STK24: variants seen among roughly 807,000 people sequenced by gnomAD.
STK24 encodes the protein serine/threonine-protein kinase 24.
A neutral mutation model predicts 55.6 loss-of-function variants in STK24; 21 were observed. The observed-to-expected ratio is 0.38, with a 90% CI of 0.27 to 0.54. The LOEUF is 0.54. Ranked by LOEUF, STK24 falls within the 20% of genes least tolerant of loss-of-function variation. The pLI, the probability that STK24 is intolerant of heterozygous loss-of-function variation, is 0.79. For synonymous variants in STK24, 200 were observed against 215.2 expected (o/e 0.93, Z 0.62); for missense variants, 383 against 538.4 (o/e 0.71, Z 2.86).
chr13:98,555,194 C>T (rs1897256227), intron 1 of STK24, among the ~76,000 whole-genome samples: 1 of 152,168 alleles, frequency 6.6e-6, no homozygotes, highest in African/African-American at 2.4e-5. Flanking sequence ...GAACGCTGAG[C>T]TCATGCCATC....
chr13:98,559,799 C>T (rs755743880), intron 1 of STK24, among the ~76,000 whole-genome samples: 3 of 152,042 alleles, frequency 2.0e-5, no homozygotes, highest in Non-Finnish European at 2.9e-5. Flanking sequence ...CAAATGAGTT[C>T]CAGCAAAATT....
Position 98,448,268 on chromosome 13 carries a change from C to G in STK24, c.*4905G>C. 6.2e-7 allele frequency: 1 copy of G among 1,614,140 alleles called. No individual in the cohort carries two copies. The highest frequency in any genetic ancestry group is 8.5e-7 in the Non-Finnish European group (1 of 1,179,964). On this transcript the variant is annotated 3_prime_UTR_variant, in exon 11 of 11. Transcript: ENST00000539966. Reference sequence around the variant, plus strand: ...GAAGTGATCCGCAGTGCCACCAGCTCTGCCTCGCGACCCCACGTGTTGAGT... The same window carrying G: ...GAAGTGATCCGCAGTGCCACCAGCTGTGCCTCGCGACCCCACGTGTTGAGT...
At chr13:98,474,720 C>A in intron 5 of STK24, 101 bp downstream of exon 5, 1 of 1,440,070 alleles carries the variant, frequency 6.9e-7, no homozygotes, top group African/African-American at 1.4e-5. Context: ...CCTCAAGGTA[C>A]CAGCTTCGTT....
rs148365909 is a variant in STK24 at position 98,573,674 on chromosome 13, C to A, written c.42+3071G>T. 1.9e-4 allele frequency among the ~76,000 whole-genome samples: 29 copies of A among 152,330 alleles called. No individual in the cohort carries two copies. The East Asian group carries it at 5.4e-3, about 28-fold the overall frequency. ...AAAATCAGCCTCCTATTTCTAATTTCTTTAGCCAATCTAACTAGCAATGAG... is the reference window on the plus strand; with the variant it reads ...AAAATCAGCCTCCTATTTCTAATTTATTTAGCCAATCTAACTAGCAATGAG... On this transcript the variant is annotated intron_variant, in intron 1 of 10. Transcript: ENST00000539966.
At chr13:98,505,964 AAG>A (rs780449547) in intron 2 of STK24, among the ~76,000 whole-genome samples, 11 of 152,354 alleles carry the variant, frequency 7.2e-5, no homozygotes, top group Admixed American at 3.3e-4. Flanking sequence ...TCTTTTCATG[AAG>A]AGTTTTCTGT....
At chr13:98,501,629 C>T (rs2139345636) in intron 2 of STK24, among the ~76,000 whole-genome samples, 1 of 152,192 alleles carries the variant, frequency 6.6e-6, no homozygotes, top group East Asian at 1.9e-4. Flanking sequence ...TCATGTATCC[C>T]ATAAATATAT....
intron 2 of STK24, among the ~76,000 whole-genome samples, chr13:98,513,321 T>C (rs1207019125): frequency 6.6e-6 from 1 of 152,184 alleles, no homozygotes; most frequent in Non-Finnish European, 1.5e-5. Context: ...TAAACCTATT[T>C]TCTGGGACAA....
In STK24 at chr13:98,453,160, T is replaced by A; in HGVS notation, c.*13A>T. ...AAAAAAGGAAAAACAAAACCCCAAA[T>A]GCCAAAGGAATTTCAGTGGGATGAA... On this transcript the variant is annotated 3_prime_UTR_variant, in exon 11 of 11. Transcript: ENST00000539966. The A allele has an allele frequency of 6.2e-7, 1 of 1,613,572 alleles. No individual in the cohort carries two copies. The highest frequency in any genetic ancestry group is 8.5e-7 in the Non-Finnish European group (1 of 1,179,836).
At chr13:98,474,219 C>G (rs942919745) in intron 5 of STK24, among the ~76,000 whole-genome samples, 33 of 152,040 alleles carry the variant, frequency 2.2e-4, no homozygotes, top group African/African-American at 7.7e-4. Context: ...TAACACAGGA[C>G]AAGTAAAAAA....
intron 1 of STK24, among the ~76,000 whole-genome samples, chr13:98,524,467 T>C (rs1215541319): frequency 6.6e-6 from 1 of 152,162 alleles, no homozygotes; most frequent in Non-Finnish European, 1.5e-5. Flanking sequence ...TGCAGCCAAC[T>C]GCTAGACCTG....
chr13:98,501,105 CTCT>C (rs1197064482), intron 2 of STK24, among the ~76,000 whole-genome samples: 1 of 152,166 alleles, frequency 6.6e-6, no homozygotes, highest in Non-Finnish European at 1.5e-5. Context: ...TTATTTACAC[CTCT>C]TATGTGTAGT....
intron 5 of STK24, among the ~76,000 whole-genome samples, chr13:98,468,362 T>G (rs1893996848): frequency 6.6e-6 from 1 of 152,276 alleles, no homozygotes; most frequent in South Asian, 2.1e-4. Context: ...TGCTTTATCT[T>G]GCATTGCATT....
chr13:98,465,077 G>A (rs996823109), intron 6 of STK24, among the ~76,000 whole-genome samples: 6 of 152,176 alleles, frequency 3.9e-5, no homozygotes, highest in African/African-American at 1.4e-4. Flanking sequence ...TGCCTGCCTT[G>A]AGGATGGCGA....
At chr13:98,575,983 G>A (rs1263275487) in intron 1 of STK24, 13 of 978,408 alleles carry the variant, frequency 1.3e-5, no homozygotes, top group Non-Finnish European at 1.2e-5. Context: ...AGGCCAAGGT[G>A]TCACCAAGTA....
At chr13:98,544,109 G>A (rs536523850) in intron 1 of STK24, among the ~76,000 whole-genome samples, 1 of 152,274 alleles carries the variant, frequency 6.6e-6, no homozygotes, top group African/African-American at 2.4e-5. Context: ...ATAAAGGAAG[G>A]AGAGTGAGAA....
chr13:98,525,282 G>A (rs1215349361), intron 1 of STK24, among the ~76,000 whole-genome samples: 3 of 152,352 alleles, frequency 2.0e-5, no homozygotes, highest in Admixed American at 6.5e-5. Flanking sequence ...ACTAAGCACC[G>A]GCTATGGCCT....
chr13:98,476,388 C>G (rs1894379369), intron 3 of STK24, among the ~76,000 whole-genome samples: 1 of 152,164 alleles, frequency 6.6e-6, no homozygotes, highest in Admixed American at 6.5e-5. Context: ...AGGGTTCCCC[C>G]AAATCATGGT....
intron 1 of STK24, chr13:98,521,901 C>T: frequency 1.1e-6 from 1 of 952,060 alleles, no homozygotes; most frequent in Non-Finnish European, 1.7e-6. Context: ...CTTCTCGCTC[C>T]TTCTTCCATT....
chr13:98,491,411 G>A (rs1410393159), intron 2 of STK24, among the ~76,000 whole-genome samples: 1 of 152,196 alleles, frequency 6.6e-6, no homozygotes, highest in Non-Finnish European at 1.5e-5. Flanking sequence ...ACGTTTTCTT[G>A]TGCTGGCAAC....
Sources: gnomAD v4.1 joint callset for allele counts (sites outside exome capture counted in the v4.1 genomes callset) on GRCh38, gnomAD v4.1.1 for gene constraint, MANE v1.5 for transcripts, NCBI Gene and HGNC (gene_info 2026-07-23, HGNC 2026-07-21) for gene names.